Variants in BRINP3 observed in about 807,000 individuals in gnomAD.
BRINP3 encodes the protein BMP/retinoic acid-inducible neural-specific protein 3.
BRINP3 carries 19 observed loss-of-function variants against 71.0 expected under a neutral mutation model. The observed-to-expected ratio is 0.27, with a 90% CI of 0.19 to 0.39. The LOEUF is 0.39. BRINP3 is among the 10% of genes least tolerant of loss of function. BRINP3 has a pLI of 1.00. For missense variants in BRINP3, 959 were observed against 940.8 expected (o/e 1.02, Z -0.25); for synonymous variants, 380 against 337.7 (o/e 1.13, Z -1.37).
intron 6 of BRINP3, among the ~76,000 whole-genome samples, chr1:190,180,157 C>T (rs1312191436): frequency 6.6e-6 from 1 of 152,066 alleles, no homozygotes. Flanking sequence ...GGAAAGAGCA[C>T]GTGCCTGCTG....
intron 7 of BRINP3, among the ~76,000 whole-genome samples, chr1:190,111,082 G>T (rs1399171351): frequency 6.6e-6 from 1 of 150,488 alleles, no homozygotes; most frequent in Non-Finnish European, 1.5e-5. Flanking sequence ...GGAGGCTGAG[G>T]CAGGAGAATG....
chr1:190,184,029 C>T (rs1212691528), intron 6 of BRINP3, among the ~76,000 whole-genome samples: 1 of 152,016 alleles, frequency 6.6e-6, no homozygotes, highest in Non-Finnish European at 1.5e-5. Context: ...GTTTCTGGAG[C>T]ATGTACCATA....
chr1:190,420,723 T>A (rs527597631), intron 2 of BRINP3, among the ~76,000 whole-genome samples: 1 of 151,928 alleles, frequency 6.6e-6, no homozygotes, highest in Non-Finnish European at 1.5e-5. Context: ...AGCAAAATCT[T>A]ATACTTGAAA....
chr1:190,239,856 G>T (rs1167131168), intron 4 of BRINP3, among the ~76,000 whole-genome samples: 1 of 151,710 alleles, frequency 6.6e-6, no homozygotes, highest in African/African-American at 2.4e-5. Flanking sequence ...TTCTAATATA[G>T]TTTCGCAAAA....
intron 1 of BRINP3, among the ~76,000 whole-genome samples, chr1:190,458,631 A>G (rs916675222): frequency 6.6e-6 from 1 of 152,044 alleles, no homozygotes; most frequent in African/African-American, 2.4e-5. Flanking sequence ...TCCATGTGTC[A>G]GAGATGGTTT....
chr1:190,140,109 T>A, intron 7 of BRINP3, among the ~76,000 whole-genome samples: 1 of 152,154 alleles, frequency 6.6e-6, no homozygotes, highest in Non-Finnish European at 1.5e-5. Flanking sequence ...ATAGTGGAAA[T>A]AGGTTAAAAA....
chr1:190,391,016 T>C (rs1158647987), intron 2 of BRINP3, among the ~76,000 whole-genome samples: 1 of 151,838 alleles, frequency 6.6e-6, no homozygotes, highest in Non-Finnish European at 1.5e-5. Flanking sequence ...AATCTATAAT[T>C]GCTGAGCAGG....
intron 4 of BRINP3, among the ~76,000 whole-genome samples, chr1:190,258,887 T>G (rs1277004445): frequency 6.6e-6 from 1 of 152,158 alleles, no homozygotes; most frequent in Admixed American, 6.5e-5. Context: ...GCCTGTAATC[T>G]TAGCACTTGG....
At position 190,209,841 on chromosome 1, in the gene BRINP3, A is replaced by G. The variant is rs191802669; in HGVS notation, c.961+16241T>C. Among the ~76,000 whole-genome samples the G allele has an allele frequency of 4.6e-5, 7 of 152,266 alleles. No individual in the cohort carries two copies. In the East Asian group the frequency reaches 1.4e-3, roughly 29 times the overall value. ...AGTGCAATAATTGGCAAAGCAGTTT[A>G]TATAAATTACACATTAATTCTGCAC... On this transcript the variant is annotated intron_variant, in intron 6 of 7. Transcript: ENST00000367462.
At chr1:190,443,517 G>C (rs1558291223) in intron 2 of BRINP3, among the ~76,000 whole-genome samples, 1 of 152,136 alleles carries the variant, frequency 6.6e-6, no homozygotes, top group Non-Finnish European at 1.5e-5. Context: ...AAGTATCTCT[G>C]CTACTGGCAA....
chr1:190,109,853 A>AGT (rs1282541510), intron 7 of BRINP3, among the ~76,000 whole-genome samples: 1 of 152,180 alleles, frequency 6.6e-6, no homozygotes, highest in African/African-American at 2.4e-5. Flanking sequence ...TCAGACTGAG[A>AGT]GTTACACTAT....
At chr1:190,118,212 G>C (rs1213049038) in intron 7 of BRINP3, among the ~76,000 whole-genome samples, 1 of 151,892 alleles carries the variant, frequency 6.6e-6, no homozygotes, top group Non-Finnish European at 1.5e-5. Flanking sequence ...TCAAAAAATA[G>C]TCTGCATTTT....
chr1:190,190,674 A>C (rs1296522817), intron 6 of BRINP3, among the ~76,000 whole-genome samples: 1 of 152,154 alleles, frequency 6.6e-6, no homozygotes, highest in Non-Finnish European at 1.5e-5. Flanking sequence ...CAGGAAAATA[A>C]AGTAAATTAT....
intron 2 of BRINP3, among the ~76,000 whole-genome samples, chr1:190,395,151 C>T (rs1462710949): frequency 6.6e-6 from 1 of 151,546 alleles, no homozygotes; most frequent in East Asian, 1.9e-4. Flanking sequence ...ACTCAGGCTG[C>T]CACAAGTAAA....
At chr1:190,347,136 AATT>A (rs1253167464) in intron 2 of BRINP3, among the ~76,000 whole-genome samples, 1 of 151,922 alleles carries the variant, frequency 6.6e-6, no homozygotes, top group Non-Finnish European at 1.5e-5. Context: ...TAGACACTAT[AATT>A]ATTATTATTA....
chr1:190,412,795 T>TTTTAAA (rs1558264453), intron 2 of BRINP3, among the ~76,000 whole-genome samples: 1 of 152,080 alleles, frequency 6.6e-6, no homozygotes, highest in East Asian at 1.9e-4. Flanking sequence ...AACCACACTA[T>TTTTAAA]ACATTTTTGG....
At chr1:190,250,865 A>G (rs919247455) in intron 4 of BRINP3, among the ~76,000 whole-genome samples, 1 of 151,958 alleles carries the variant, frequency 6.6e-6, no homozygotes, top group Non-Finnish European at 1.5e-5. Flanking sequence ...TCTCAGGTTC[A>G]GTACATTTTC....
intron 2 of BRINP3, among the ~76,000 whole-genome samples, chr1:190,306,928 T>C (rs1223531067): frequency 6.6e-6 from 1 of 152,040 alleles, no homozygotes; most frequent in Non-Finnish European, 1.5e-5. Flanking sequence ...TCAAATTTTA[T>C]AGCTTTGATT....
At chr1:190,470,454 TA>T (rs1320374390) in intron 1 of BRINP3, among the ~76,000 whole-genome samples, 1 of 151,104 alleles carries the variant, frequency 6.6e-6, no homozygotes, top group Non-Finnish European at 1.5e-5. Context: ...TATTAGCTAT[TA>T]AAAGGAATTT....
Sources: gnomAD v4.1 joint callset for allele counts (sites outside exome capture counted in the v4.1 genomes callset) on GRCh38, gnomAD v4.1.1 for gene constraint, MANE v1.5 for transcripts, NCBI Gene and HGNC (gene_info 2026-07-23, HGNC 2026-07-21) for gene names.